GNAO1: variants seen among roughly 807,000 people sequenced by gnomAD.
GNAO1 encodes G protein subunit alpha o1.
For missense variants in GNAO1, 166 were observed against 478.7 expected (o/e 0.35, Z 6.10); for synonymous variants, 164 against 180.7 (o/e 0.91, Z 0.74).
At chr16:56,297,937 G>T (rs951316335) in intron 3 of GNAO1, among the ~76,000 whole-genome samples, 1 of 152,200 alleles carries the variant, frequency 6.6e-6, no homozygotes, top group African/African-American at 2.4e-5. Flanking sequence ...GGGAGGCAAA[G>T]GTGGGCGGAT....
intron 2 of GNAO1, among the ~76,000 whole-genome samples, chr16:56,275,062 A>G (rs2037050136): frequency 6.6e-6 from 1 of 152,274 alleles, no homozygotes; most frequent in Admixed American, 6.5e-5. Flanking sequence ...TGAACGTGTC[A>G]CAAGTAGTGT....
chr16:56,191,789 C>T lies in GNAO1; in HGVS notation c.-447C>T. The T allele has an allele frequency of 4.5e-6, 1 of 222,384 alleles. No homozygotes were observed. Among genetic ancestry groups the T allele is most frequent in the Non-Finnish European group, 8.8e-6 (1 of 114,138 alleles). 13.8% of individuals were successfully genotyped at this position (222,384 alleles called of 1,614,324 possible). ...GCCTCCTCCACCTCCTCCTCCGCCG[C>T]CGCCGCCTCCTCCTCCTCCGGCAGC... On this transcript the variant is annotated 5_prime_UTR_variant, in exon 1 of 9. Coordinates refer to ENST00000262493, the MANE Select transcript of GNAO1 (RefSeq NM_020988.3). This position sits in a 1 kb window ranked among gnomAD's most constrained non-coding sequence, Gnocchi z 4.7.
chr16:56,351,638 C>A lies in GNAO1; in HGVS notation c.877+101C>A, dbSNP rs566826139. The A allele has an allele frequency of 2.2e-6, 2 of 895,562 alleles. No homozygotes were observed. The highest frequency in any genetic ancestry group is 2.4e-5 in the East Asian group (1 of 40,852). The allele number at this position is 895,562 out of a possible 1,614,324, so 55.5% of individuals were successfully genotyped here. Reference sequence around the variant, plus strand: ...GGCCAGCACTGCTGGGGCTAGCTGGCGAGCGGGACCCATTGCAGGAGACTG... The same window carrying A: ...GGCCAGCACTGCTGGGGCTAGCTGGAGAGCGGGACCCATTGCAGGAGACTG... On this transcript the variant is annotated intron_variant, in intron 7 of 8. Coordinates refer to ENST00000262493, the MANE Select transcript of GNAO1 (RefSeq NM_020988.3). This position sits in a 1 kb window ranked among gnomAD's most constrained non-coding sequence, Gnocchi z 6.1.
intron 4 of GNAO1, among the ~76,000 whole-genome samples, chr16:56,329,676 C>T (rs1398325442): frequency 6.6e-6 from 1 of 152,220 alleles, no homozygotes; most frequent in African/African-American, 2.4e-5. Context: ...CAATCTGGTA[C>T]CCATACATTC....
chr16:56,245,340 T>C (rs2036733466), intron 2 of GNAO1, among the ~76,000 whole-genome samples: 1 of 152,182 alleles, frequency 6.6e-6, no homozygotes, highest in African/African-American at 2.4e-5. Context: ...TGACGTTCCA[T>C]TTGATTCAGC....
chr16:56,193,921 C>G (rs1014065839), intron 2 of GNAO1: 1 of 358,634 alleles, frequency 2.8e-6, no homozygotes, highest in Non-Finnish European at 5.5e-6. Context: ...TATTTTTCAA[C>G]TTGACACAAT....
At chr16:56,201,460 A>G (rs1473788592) in intron 2 of GNAO1, among the ~76,000 whole-genome samples, 2 of 152,220 alleles carry the variant, frequency 1.3e-5, no homozygotes, top group East Asian at 1.9e-4. Context: ...GGCCTTATCT[A>G]TTGTGCTAAG....
chr16:56,276,439 A>G (rs2037062256), intron 3 of GNAO1: 1 of 159,928 alleles, frequency 6.3e-6, no homozygotes, highest in Non-Finnish European at 1.4e-5. Context: ...TCTGGCCACC[A>G]TCTCCCCTCC....
At chr16:56,221,851 G>A (rs912339407) in intron 2 of GNAO1, among the ~76,000 whole-genome samples, 2 of 152,050 alleles carry the variant, frequency 1.3e-5, no homozygotes, top group East Asian at 3.9e-4. Context: ...ATGTCCTGTG[G>A]TCTTTGATTT....
chr16:56,308,887 G>A (rs1336355341), intron 3 of GNAO1, among the ~76,000 whole-genome samples: 3 of 152,118 alleles, frequency 2.0e-5, no homozygotes, highest in African/African-American at 7.2e-5. Context: ...CTCAGAGGAC[G>A]GGTTAGGATG....
intron 2 of GNAO1, among the ~76,000 whole-genome samples, chr16:56,237,010 G>C (rs76443127): frequency 6.6e-6 from 1 of 152,178 alleles, no homozygotes; most frequent in Non-Finnish European, 1.5e-5. Context: ...TGTAAGAGTA[G>C]AATTATAATA....
intron 2 of GNAO1, among the ~76,000 whole-genome samples, chr16:56,220,867 C>T (rs1567443293): frequency 6.6e-6 from 1 of 152,132 alleles, no homozygotes. Context: ...TCTGCCTCAG[C>T]CACCTGAGTA....
intron 6 of GNAO1, among the ~76,000 whole-genome samples, chr16:56,350,573 G>T (rs1342513767): frequency 6.6e-6 from 1 of 152,196 alleles, no homozygotes; most frequent in East Asian, 1.9e-4. Context: ...GCTCCTGTGT[G>T]CAGGGCAGCC....
chr16:56,195,993 A>T (rs540414592), intron 2 of GNAO1, among the ~76,000 whole-genome samples: 1 of 152,298 alleles, frequency 6.6e-6, no homozygotes, highest in South Asian at 2.1e-4. Context: ...TTGCAGAGAT[A>T]CTGACATAAA....
chr16:56,197,402 G>T (rs1423313248), intron 2 of GNAO1, among the ~76,000 whole-genome samples: 1 of 152,224 alleles, frequency 6.6e-6, no homozygotes, highest in African/African-American at 2.4e-5. Context: ...TCAAGTAGCA[G>T]ATGAGTTCTC....
Position 56,348,173 on chromosome 16 carries a change from C to T in GNAO1, c.724-3211C>T, listed in dbSNP as rs879697815. The T allele has an allele frequency of 2.1e-5, 21 of 981,606 alleles. No individual in the cohort carries two copies. The Admixed American group carries it at 4.9e-4, about 23-fold the overall frequency. 60.8% of individuals were successfully genotyped at this position (981,606 alleles called of 1,614,324 possible). On this transcript the variant is annotated intron_variant, in intron 6 of 8. Transcript: ENST00000262493. ...CATAATGTATTTATTAGTCGCCTAC[C>T]GTTAATAAAAAGTGCCCGCTTTCCT...
chr16:56,355,959 T>TG (rs1313508249), intron 8 of GNAO1, 144 bp from the exon 9 acceptor site: 1 of 152,276 alleles, frequency 6.6e-6, no homozygotes, highest in East Asian at 1.9e-4. Context: ...TGGGCTTCAA[T>TG]GGGGTTCCTG....
At position 56,326,999 on chromosome 16, in the gene GNAO1, A is replaced by C. The variant is rs2037639249; in HGVS notation, c.304-1632A>C. Among the ~76,000 whole-genome samples the C allele has an allele frequency of 6.6e-6, 1 of 151,794 alleles. No homozygotes were observed. The highest frequency in any genetic ancestry group is 6.6e-5 in the Admixed American group (1 of 15,248). ...CCTCATCTTGAGTCCCACCCCTGCC[A>C]CTCACCATCGGGTTGTTAAGTGAGT... On this transcript the variant is annotated intron_variant, in intron 3 of 8. Coordinates refer to ENST00000262493, the MANE Select transcript of GNAO1 (RefSeq NM_020988.3). The surrounding 1 kb of genome is among the most constrained non-coding windows in gnomAD (Gnocchi z 4.8).
At chr16:56,269,705 C>T (rs1281031354) in intron 2 of GNAO1, among the ~76,000 whole-genome samples, 1 of 152,150 alleles carries the variant, frequency 6.6e-6, no homozygotes, top group Non-Finnish European at 1.5e-5. Flanking sequence ...ATAAAGGGAG[C>T]AGACGAGGGG....
Sources: allele counts gnomAD v4.1 joint callset (sites outside exome capture counted in the v4.1 genomes callset), GRCh38; gene constraint gnomAD v4.1.1; non-coding constraint Gnocchi (gnomAD v3.1); transcripts MANE v1.5; gene names NCBI Gene and HGNC (gene_info 2026-07-23, HGNC 2026-07-21).